The following SP1 variants were observed in gnomAD, a reference collection of about 807,000 sequenced individuals.
SP1 encodes the protein Sp1 transcription factor, also known as transcription factor Sp1.
SP1 carries 6 observed loss-of-function variants against 66.3 expected under a neutral mutation model. The ratio of observed to expected loss-of-function variants is 0.09; its 90% confidence interval spans 0.05 to 0.18. The LOEUF (loss-of-function observed/expected upper bound fraction) is 0.18. SP1 is among the 10% of genes least tolerant of loss of function. SP1 has a pLI of 1.00. For synonymous variants in SP1, 417 were observed against 360.8 expected (o/e 1.16, Z -1.77); for missense variants, 848 against 964.5 (o/e 0.88, Z 1.60).
rs964541517 is a variant in SP1, at chr12:53,414,207, T to A, written c.*2967T>A. The A allele has an allele frequency of 5.2e-5, 8 of 152,420 alleles. No individual in the cohort carries two copies. Among genetic ancestry groups the A allele is most frequent in the Non-Finnish European group, 1.0e-4 (7 of 68,044 alleles). 9.4% of individuals were successfully genotyped at this position (152,420 alleles called of 1,614,324 possible). A position where few individuals can be genotyped will look rare whatever the true frequency, so the allele number is the denominator to read the frequency against. On this transcript the variant is annotated 3_prime_UTR_variant, in exon 6 of 6. Transcript: ENST00000327443. ...CATTTTTTTGAATGAGTTTTTTAAA[T>A]TTTTTAGATGACCAAAACTTGCAGG...
At chr12:53,403,910 G>A (rs189747573) in intron 3 of SP1, among the ~76,000 whole-genome samples, 10 of 151,950 alleles carry the variant, frequency 6.6e-5, no homozygotes, top group Admixed American at 2.6e-4. Flanking sequence ...GGTGGCTCAC[G>A]CCTGTAATCC....
chr12:53,394,046 T>C (rs1414693283), intron 3 of SP1, among the ~76,000 whole-genome samples: 1 of 151,834 alleles, frequency 6.6e-6, no homozygotes, highest in African/African-American at 2.4e-5. Context: ...GAAACCCCCG[T>C]CTGTACTAAA....
At position 53,415,830 on chromosome 12, in the gene SP1, T is replaced by C. The variant is rs1938985144; in HGVS notation, c.*4590T>C. The C allele has an allele frequency of 6.6e-6, 1 of 152,594 alleles. No homozygotes were observed. The highest frequency in any genetic ancestry group is 6.5e-5 in the Admixed American group (1 of 15,272). The allele number at this position is 152,594 out of a possible 1,614,324, so 9.5% of individuals were successfully genotyped here. ...GTTTCCCGGTAACTGCTCTTGAACA[T>C]TGTGGACAAGGGCAGGTCTTCATAT... is the stretch of plus-strand genomic sequence containing the variant. On this transcript the variant is annotated 3_prime_UTR_variant, in exon 6 of 6. Transcript: ENST00000327443.
At chr12:53,402,200 T>C (rs1386323305) in intron 3 of SP1, among the ~76,000 whole-genome samples, 1 of 151,938 alleles carries the variant, frequency 6.6e-6, no homozygotes, top group Admixed American at 6.6e-5. Flanking sequence ...TTAAATTTAT[T>C]TTAGTGCCAT....
chr12:53,381,831 A>T lies in SP1; in HGVS notation c.162+18A>T. Reference sequence around the variant, plus strand: ...GAGGGCAGGTAAGTGATAATCATAGAGTGGGGAAGGTGTTGAGAAGATGTA... The same window carrying T: ...GAGGGCAGGTAAGTGATAATCATAGTGTGGGGAAGGTGTTGAGAAGATGTA... On this transcript the variant is annotated intron_variant, in intron 2 of 5. Transcript: ENST00000327443. The T allele has an allele frequency of 1.2e-6, 2 of 1,607,018 alleles. No homozygotes were observed. Among genetic ancestry groups the T allele is most frequent in the Non-Finnish European group, 1.7e-6 (2 of 1,177,480 alleles).
chr12:53,399,522 C>T (rs984237564), intron 3 of SP1, among the ~76,000 whole-genome samples: 2 of 151,972 alleles, frequency 1.3e-5, no homozygotes, highest in Non-Finnish European at 2.9e-5. Flanking sequence ...TAGTAGAGAC[C>T]GGGTTTCCCC....
chr12:53,398,727 T>G (rs1229242007), intron 3 of SP1, among the ~76,000 whole-genome samples: 1 of 152,152 alleles, frequency 6.6e-6, no homozygotes, highest in Admixed American at 6.6e-5. Context: ...AATGAGAAAA[T>G]TAAAAGCATT....
chr12:53,395,434 C>G (rs889386541), intron 3 of SP1, among the ~76,000 whole-genome samples: 2 of 151,972 alleles, frequency 1.3e-5, no homozygotes, highest in Non-Finnish European at 2.9e-5. Flanking sequence ...TCTTATTTAC[C>G]TTTCTTAAGT....
chr12:53,397,464 A>AT (rs62722560), intron 3 of SP1, among the ~76,000 whole-genome samples: 1,682 of 137,370 alleles, frequency 0.012, 21 homozygotes, highest in Non-Finnish European at 0.017. Flanking sequence ...TAATATAGTA[A>AT]TTTTTTTTTT....
intron 3 of SP1, among the ~76,000 whole-genome samples, chr12:53,385,934 T>G (rs1465849120): frequency 6.6e-6 from 1 of 152,134 alleles, no homozygotes; most frequent in African/African-American, 2.4e-5. Flanking sequence ...AAAAATTGAT[T>G]ATGAATTTTA....
chr12:53,401,461 A>G (rs1176411009), intron 3 of SP1, among the ~76,000 whole-genome samples: 4 of 151,424 alleles, frequency 2.6e-5, no homozygotes, highest in African/African-American at 4.8e-5. Context: ...ATCTGGGAAA[A>G]AAAAAAAAAA....
In SP1 at chr12:53,415,039, C is replaced by T. The variant is rs1311228706; in HGVS notation, c.*3799C>T. On this transcript the variant is annotated 3_prime_UTR_variant, in exon 6 of 6. Coordinates refer to ENST00000327443, the MANE Select transcript of SP1 (RefSeq NM_138473.3). The stretch of plus-strand genomic sequence containing the variant: ...AATGTGAAATCTCAGAATTTATCTC[C>T]CTTAGAAGAGAGCCAGTAACTTATG... 6.6e-6 allele frequency: 1 copy of T among 152,546 alleles called. No homozygotes were observed. The highest frequency in any genetic ancestry group is 2.4e-5 in the African/African-American group (1 of 41,410). 9.4% of individuals were successfully genotyped at this position (152,546 alleles called of 1,614,324 possible).
intron 3 of SP1, among the ~76,000 whole-genome samples, chr12:53,400,712 C>T (rs1459129575): frequency 4.0e-5 from 6 of 151,722 alleles, no homozygotes; most frequent in Non-Finnish European, 7.4e-5. Context: ...TCTCAGCCTC[C>T]GGAGTAGCTG....
chr12:53,401,472 A>AG (rs1439806282), intron 3 of SP1, among the ~76,000 whole-genome samples: 1 of 151,908 alleles, frequency 6.6e-6, no homozygotes, highest in Non-Finnish European at 1.5e-5. Context: ...AAAAAAAAAA[A>AG]AAAAAGCTTT....
Position 53,411,201 on chromosome 12 carries a change from A to G in SP1, c.2319A>G (p.Ala773=). The part of the protein sequence containing the change: ...ANSGINVMQV[A]DLQSINISGN... ...GTGGCATCAACGTCATGCAGGTGGCAGATCTGCAGTCCATTAATATCAGTG... is the reference window on the plus strand; with the variant it reads ...GTGGCATCAACGTCATGCAGGTGGCGGATCTGCAGTCCATTAATATCAGTG... Residue 773 remains alanine, a synonymous_variant, in exon 6 of 6, where the codon GCA becomes GCG. Transcript: ENST00000327443. The G allele has an allele frequency of 6.2e-7, 1 of 1,613,590 alleles. No homozygotes were observed. The highest frequency in any genetic ancestry group is 8.5e-7 in the Non-Finnish European group (1 of 1,179,962).
chr12:53,391,346 C>CT (rs71068117), intron 3 of SP1, among the ~76,000 whole-genome samples: 2,701 of 97,360 alleles, frequency 0.028, 135 homozygotes, highest in African/African-American at 0.045. Context: ...TAAGTAATGT[C>CT]TTTTTTTTTT....
intron 3 of SP1, among the ~76,000 whole-genome samples, chr12:53,386,553 G>A (rs989199776): frequency 2.2e-5 from 3 of 137,740 alleles, no homozygotes; most frequent in Admixed American, 1.6e-4. Flanking sequence ...GTGGAGTGGT[G>A]CAATCTCCGC....
chr12:53,398,972 A>G (rs1938549516), intron 3 of SP1, among the ~76,000 whole-genome samples: 1 of 152,180 alleles, frequency 6.6e-6, no homozygotes, highest in Non-Finnish European at 1.5e-5. Context: ...AAATCTATAT[A>G]TAGTTTTGTC....
Position 53,415,447 on chromosome 12 carries a change from C to T in SP1, c.*4207C>T, listed in dbSNP as rs922154263. On this transcript the variant is annotated 3_prime_UTR_variant, in exon 6 of 6. Transcript: ENST00000327443. ...GGGGGGTCTCTGGCTTTATTACTCC[C>T]CTAAGTCTTTACTCTGACTTCCCCA... 6.6e-6 allele frequency: 1 copy of T among 152,284 alleles called. No individual in the cohort carries two copies. The highest frequency in any genetic ancestry group is 1.5e-5 in the Non-Finnish European group (1 of 68,026). 9.4% of individuals were successfully genotyped at this position (152,284 alleles called of 1,614,324 possible).
Sources: gnomAD v4.1 joint callset for allele counts (sites outside exome capture counted in the v4.1 genomes callset) on GRCh38, gnomAD v4.1.1 for gene constraint, MANE v1.5 for transcripts, NCBI Gene and HGNC (gene_info 2026-07-23, HGNC 2026-07-21) for gene names.